CACNA1E: variants seen among roughly 807,000 people sequenced by gnomAD.
The protein encoded by CACNA1E is voltage-dependent R-type calcium channel subunit alpha-1E.
Under a neutral mutation model 259.2 loss-of-function variants are expected in CACNA1E, and 40 were observed. The ratio of observed to expected loss-of-function variants is 0.15; its 90% confidence interval spans 0.12 to 0.20. CACNA1E has a LOEUF of 0.20. Among genes scored for constraint, CACNA1E ranks in the 10% least tolerant of loss-of-function variants. The pLI is 1.00. For synonymous variants in CACNA1E, 1,104 were observed against 1,138.5 expected (o/e 0.97, Z 0.61); for missense variants, 1,874 against 3,040.1 (o/e 0.62, Z 9.02).
intron 22 of CACNA1E, among the ~76,000 whole-genome samples, chr1:181,736,979 G>A (rs73045104): frequency 0.012 from 1,889 of 152,318 alleles, 41 homozygotes; most frequent in African/African-American, 0.043. Flanking sequence ...TGGGAAGAGC[G>A]TTCCAGCAGG....
chr1:181,763,087 G>T (rs1572833322), intron 33 of CACNA1E, among the ~76,000 whole-genome samples: 1 of 152,182 alleles, frequency 6.6e-6, no homozygotes, highest in African/African-American at 2.4e-5. Flanking sequence ...GTGTGCTAGA[G>T]GGGTTCCTAG....
intron 3 of CACNA1E, among the ~76,000 whole-genome samples, chr1:181,574,915 C>T (rs1326110619): frequency 6.6e-6 from 1 of 152,022 alleles, no homozygotes; most frequent in African/African-American, 2.4e-5. Context: ...ATCCCAGCTA[C>T]TCGGGAGGCT....
chr1:181,599,252 A>G (rs1371768799), intron 6 of CACNA1E, among the ~76,000 whole-genome samples: 2 of 152,210 alleles, frequency 1.3e-5, no homozygotes, highest in Non-Finnish European at 2.9e-5. Flanking sequence ...TGCTAAGGAT[A>G]ACAGCCTCCA....
At chr1:181,592,088 G>A (rs968407320) in intron 6 of CACNA1E, among the ~76,000 whole-genome samples, 3 of 152,104 alleles carry the variant, frequency 2.0e-5, no homozygotes, top group Non-Finnish European at 2.9e-5. Context: ...TCTCCACAGA[G>A]CCTTCTCTGA....
At chr1:181,623,735 A>G (rs1025982935) in intron 6 of CACNA1E, among the ~76,000 whole-genome samples, 1 of 152,354 alleles carries the variant, frequency 6.6e-6, no homozygotes, top group Non-Finnish European at 1.5e-5. Context: ...AAACATATCT[A>G]CATACCTTAA....
chr1:181,617,310 TA>T, intron 6 of CACNA1E, among the ~76,000 whole-genome samples: 1 of 152,198 alleles, frequency 6.6e-6, no homozygotes, highest in African/African-American at 2.4e-5. Flanking sequence ...TGGGAGTTGT[TA>T]GTGTGTGTTT....
chr1:181,526,757 AAGTT>A (rs1411226333), intron 3 of CACNA1E, among the ~76,000 whole-genome samples: 1 of 152,178 alleles, frequency 6.6e-6, no homozygotes, highest in Non-Finnish European at 1.5e-5. Flanking sequence ...GACACTGAGC[AAGTT>A]ATTTAACCTC....
At chr1:181,644,055 T>A (rs1267431907) in intron 6 of CACNA1E, among the ~76,000 whole-genome samples, 1 of 152,148 alleles carries the variant, frequency 6.6e-6, no homozygotes, top group African/African-American at 2.4e-5. Context: ...GAGCTCTAGG[T>A]CCTCATTCTT....
At chr1:181,689,667 A>G (rs1650942600) in intron 7 of CACNA1E, among the ~76,000 whole-genome samples, 1 of 152,088 alleles carries the variant, frequency 6.6e-6, no homozygotes, top group South Asian at 2.1e-4. Flanking sequence ...AATAATTGCC[A>G]TTCTAACTGG....
intron 23 of CACNA1E, 51 bp downstream of exon 23, chr1:181,737,705 C>T: frequency 6.3e-7 from 1 of 1,583,590 alleles, no homozygotes; most frequent in Admixed American, 1.7e-5. Context: ...TGGTGCTCAC[C>T]CCATCCCAGC....
At chr1:181,526,875 C>G (rs1413782847) in intron 3 of CACNA1E, among the ~76,000 whole-genome samples, 2 of 152,162 alleles carry the variant, frequency 1.3e-5, no homozygotes, top group Non-Finnish European at 1.5e-5. Flanking sequence ...AAACAGTGCT[C>G]TGCACATAGT....
At chr1:181,368,528 A>T (rs1439634725) in intron 1 of CACNA1E, among the ~76,000 whole-genome samples, 1 of 152,222 alleles carries the variant, frequency 6.6e-6, no homozygotes, top group East Asian at 1.9e-4. Context: ...CAAATAATTC[A>T]GACATCCCTA....
intron 22 of CACNA1E, among the ~76,000 whole-genome samples, chr1:181,737,050 A>G (rs1656110009): frequency 6.6e-6 from 1 of 152,254 alleles, no homozygotes; most frequent in Non-Finnish European, 1.5e-5. Flanking sequence ...AGAATGCAGA[A>G]TATAGAATAC....
chr1:181,747,178 TC>T (rs1657167196), intron 25 of CACNA1E, among the ~76,000 whole-genome samples: 1 of 152,088 alleles, frequency 6.6e-6, no homozygotes, highest in Non-Finnish European at 1.5e-5. Context: ...CCTGAGCTAT[TC>T]CCCGCTCATG....
At chr1:181,349,351 A>G (rs1424460027) in intron 1 of CACNA1E, among the ~76,000 whole-genome samples, 1 of 152,132 alleles carries the variant, frequency 6.6e-6, no homozygotes, top group African/African-American at 2.4e-5. Flanking sequence ...GGCTGGGGAG[A>G]CTTGAGAGGA....
At chr1:181,426,672 A>G (rs1264620066) in intron 2 of CACNA1E, among the ~76,000 whole-genome samples, 14 of 61,880 alleles carry the variant, frequency 2.3e-4, no homozygotes, top group Non-Finnish European at 6.5e-5. Flanking sequence ...CCCCTTTACA[A>G]TTCAACCCCT....
chr1:181,433,718 T>C (rs932187072), intron 2 of CACNA1E, among the ~76,000 whole-genome samples: 7 of 152,232 alleles, frequency 4.6e-5, no homozygotes, highest in Non-Finnish European at 8.8e-5. Flanking sequence ...ACAGAATATA[T>C]AGTTTTCTAT....
At chr1:181,628,205 G>A (rs967517325) in intron 6 of CACNA1E, among the ~76,000 whole-genome samples, 2 of 152,110 alleles carry the variant, frequency 1.3e-5, no homozygotes, top group East Asian at 1.9e-4. Flanking sequence ...GATCACTGGG[G>A]GTGCCTCAGA....
chr1:181,671,270 C>A (rs1648766854), intron 7 of CACNA1E, among the ~76,000 whole-genome samples: 1 of 152,184 alleles, frequency 6.6e-6, no homozygotes, highest in South Asian at 2.1e-4. Flanking sequence ...AAGCAATCTT[C>A]CTGCCTTGGC....
Sources: allele counts gnomAD v4.1 joint callset (sites outside exome capture counted in the v4.1 genomes callset), GRCh38; gene constraint gnomAD v4.1.1; transcripts MANE v1.5; gene names NCBI Gene and HGNC (gene_info 2026-07-23, HGNC 2026-07-21).